YWHAQ: variants seen among roughly 807,000 people sequenced by gnomAD.
The protein encoded by YWHAQ is 14-3-3 protein theta.
YWHAQ carries 6 observed loss-of-function variants against 28.3 expected under a neutral mutation model. The observed-to-expected ratio is 0.21, with a 90% CI of 0.12 to 0.42. The LOEUF (loss-of-function observed/expected upper bound fraction) is 0.42. Ranked by LOEUF, YWHAQ falls within the 10% of genes least tolerant of loss-of-function variation. YWHAQ has a pLI of 1.00. For missense variants in YWHAQ, 201 were observed against 305.6 expected (o/e 0.66, Z 2.55); for synonymous variants, 143 against 119.1 (o/e 1.20, Z -1.31).
rs892576436 is a variant in YWHAQ, at chr2:9,585,200, T to C, written c.*86A>G. 7 of 1,479,286 alleles carry C rather than the reference T, an allele frequency of 4.7e-6. No individual in the cohort carries two copies. The highest frequency in any genetic ancestry group is 1.4e-5 in the African/African-American group (1 of 72,184). The allele number at this position is 1,479,286 out of a possible 1,614,324, so 91.6% of individuals were successfully genotyped here. A position where few individuals can be genotyped will look rare whatever the true frequency, so the allele number is the denominator to read the frequency against. On this transcript the variant is annotated 3_prime_UTR_variant, in exon 6 of 6. Coordinates refer to ENST00000238081, the MANE Select transcript of YWHAQ (RefSeq NM_006826.4). Reference sequence around the variant, plus strand: ...ATTCCATACACATGAATGGGTTTCTTTGCTATAGGAAATCCAAGTGGAATA... The same window carrying C: ...ATTCCATACACATGAATGGGTTTCTCTGCTATAGGAAATCCAAGTGGAATA...
At chr2:9,593,482 T>TAC (rs1357704575) in intron 2 of YWHAQ, among the ~76,000 whole-genome samples, 4 of 152,058 alleles carry the variant, frequency 2.6e-5, no homozygotes, top group African/African-American at 9.7e-5. Context: ...GTACTGGGAT[T>TAC]ACAGGCGTGA....
In YWHAQ at chr2:9,630,241, G is replaced by A. The variant is rs1183336588; in HGVS notation, c.212C>T (p.Thr71Ile). 2.5e-6 allele frequency: 4 copies of A among 1,613,980 alleles called. No homozygotes were observed. In the Admixed American group the frequency reaches 5.0e-5, roughly 20 times the overall value. Residue 71 changes from threonine to isoleucine, a missense_variant, in exon 2 of 6, where the codon ACC (threonine) becomes ATC (isoleucine). Coordinates refer to ENST00000238081, the MANE Select transcript of YWHAQ (RefSeq NM_006826.4). The surrounding 1 kb of genome is among the most constrained non-coding windows in gnomAD (Gnocchi z 5.6). ...VISSIEQKTD[T>I]SDKKLQLIKD... ...AATCAGCTGCAACTTCTTGTCGGAG[G>A]TGTCGGTCTTCTGCTCGATGCTAGA...
At chr2:9,595,291 TTAA>T (rs1666547047) in intron 2 of YWHAQ, among the ~76,000 whole-genome samples, 3 of 152,240 alleles carry the variant, frequency 2.0e-5, no homozygotes, top group South Asian at 4.1e-4. Context: ...CCAAATATTA[TTAA>T]TGCCAGATAG....
rs151047530 is a variant in YWHAQ, at chr2:9,593,898, T to TAAAAAAAA, written c.295-2391_295-2384dup. Among the ~76,000 whole-genome samples the TAAAAAAAA allele has an allele frequency of 6.6e-4, 80 of 121,466 alleles. 1 individual carries two copies. Among genetic ancestry groups the TAAAAAAAA allele is most frequent in the African/African-American group, 2.6e-3 (78 of 30,586 alleles). 79.7% of individuals were successfully genotyped at this position (121,466 alleles called of 152,430 possible). On this transcript the variant is annotated intron_variant, in intron 2 of 5. Transcript: ENST00000238081. ...AATTGAAAAAATATTTTAAATAGAT[T>TAAAAAAAA]AAAAAAAATATATATATATATATAT...
At chr2:9,610,869 CT>C (rs1666933621) in intron 2 of YWHAQ, among the ~76,000 whole-genome samples, 1 of 152,128 alleles carries the variant, frequency 6.6e-6, no homozygotes, top group African/African-American at 2.4e-5. Context: ...TTCTGCTCCC[CT>C]ACTCGATTTT....
intron 2 of YWHAQ, among the ~76,000 whole-genome samples, chr2:9,599,235 T>C (rs948522019): frequency 1.3e-5 from 2 of 152,202 alleles, no homozygotes; most frequent in Non-Finnish European, 2.9e-5. Context: ...GAGAGGTTGA[T>C]TCATGAGGTT....
Position 9,593,919 on chromosome 2 carries a change from T to TACAC in YWHAQ, c.295-2405_295-2404insGTGT, listed in dbSNP as rs765018439. ...AGATTAAAAAAAATATATATATATA[T>TACAC]ATATACACACACACACACACACACT... On this transcript the variant is annotated intron_variant, in intron 2 of 5. Transcript: ENST00000238081. Among the ~76,000 whole-genome samples, 372 of 124,944 alleles carry TACAC rather than the reference T, an allele frequency of 3.0e-3. 1 individual carries two copies. The highest frequency in any genetic ancestry group is 3.9e-3 in the Non-Finnish European group (250 of 63,522). The allele number at this position is 124,944 out of a possible 152,430, so 82.0% of individuals were successfully genotyped here. A position where few individuals can be genotyped will look rare whatever the true frequency, so the allele number is the denominator to read the frequency against.
chr2:9,627,104 A>T (rs573876207), intron 2 of YWHAQ, among the ~76,000 whole-genome samples: 2 of 152,268 alleles, frequency 1.3e-5, no homozygotes, highest in East Asian at 3.9e-4. Flanking sequence ...GGATTTTAAC[A>T]TTTTTTTGTG....
chr2:9,627,537 T>C (rs1415366167), intron 2 of YWHAQ, among the ~76,000 whole-genome samples: 1 of 152,166 alleles, frequency 6.6e-6, no homozygotes. Flanking sequence ...CCACGAATTC[T>C]AGATGCTGCT....
chr2:9,602,871 AT>A (rs1666742730), intron 2 of YWHAQ, among the ~76,000 whole-genome samples: 2 of 17,350 alleles, frequency 1.2e-4, no homozygotes, highest in African/African-American at 3.2e-4. Flanking sequence ...AAATATATAT[AT>A]ATATATATAT....
At chr2:9,615,023 G>C (rs1271807759) in intron 2 of YWHAQ, among the ~76,000 whole-genome samples, 1 of 152,166 alleles carries the variant, frequency 6.6e-6, no homozygotes, top group African/African-American at 2.4e-5. Flanking sequence ...ACATGAAGTA[G>C]TGTTTAACAG....
chr2:9,625,992 C>T (rs1183109611), intron 2 of YWHAQ, among the ~76,000 whole-genome samples: 3 of 134,640 alleles, frequency 2.2e-5, no homozygotes, highest in Non-Finnish European at 4.6e-5. Flanking sequence ...TAATGAGCAG[C>T]GTAAGACATT....
At chr2:9,616,988 T>C (rs1667052113) in intron 2 of YWHAQ, among the ~76,000 whole-genome samples, 2 of 152,104 alleles carry the variant, frequency 1.3e-5, no homozygotes, top group South Asian at 4.2e-4. Flanking sequence ...GGAGACAGAG[T>C]CTTACTCTGT....
chr2:9,609,398 A>G (rs1168412543), intron 2 of YWHAQ, among the ~76,000 whole-genome samples: 4 of 152,198 alleles, frequency 2.6e-5, no homozygotes, highest in Non-Finnish European at 1.5e-5. Flanking sequence ...ATAAAGAATA[A>G]GACAAAAAAA....
At chr2:9,600,308 A>C (rs951387274) in intron 2 of YWHAQ, among the ~76,000 whole-genome samples, 2 of 152,208 alleles carry the variant, frequency 1.3e-5, no homozygotes, top group African/African-American at 4.8e-5. Flanking sequence ...CACTGCATAA[A>C]CTTAGTTGAT....
chr2:9,587,401 G>A lies in YWHAQ; in HGVS notation c.678+13C>T. On this transcript the variant is annotated intron_variant, in intron 5 of 5. Coordinates refer to ENST00000238081, the MANE Select transcript of YWHAQ (RefSeq NM_006826.4). ...CTGAAAAGAAAATAAAATTAAAAGA[G>A]TAAACAACTCACTGTTAGGTTGTCT... 1 of 1,591,348 alleles carries A rather than the reference G, an allele frequency of 6.3e-7. No homozygotes were observed. The highest frequency in any genetic ancestry group is 1.2e-5 in the South Asian group (1 of 86,050).
At position 9,630,262 on chromosome 2, in the gene YWHAQ, C is replaced by A; in HGVS notation, c.191G>T (p.Ser64Ile). The A allele has an allele frequency of 1.2e-6, 2 of 1,614,172 alleles. No individual in the cohort carries two copies. Among genetic ancestry groups the A allele is most frequent in the Non-Finnish European group, 1.7e-6 (2 of 1,180,044 alleles). Residue 64 changes from serine (S) to isoleucine (I), a missense_variant, in exon 2 of 6, where the codon AGC becomes ATC. Physicochemically the swap from Ser to Ile is moderately radical, Grantham distance 142. Around this residue, in one of 2 missense-constraint regions of YWHAQ, gnomAD observed 162 missense variants for 213.9 expected, o/e 0.76. Coordinates refer to ENST00000238081, the MANE Select transcript of YWHAQ (RefSeq NM_006826.4). The surrounding 1 kb of genome is among the most constrained non-coding windows in gnomAD (Gnocchi z 5.6). ...GRRSAWRVISSIEQKTDTSDK... is the reference protein window; with the variant it reads ...GRRSAWRVISIIEQKTDTSDK... ...GGAGGTGTCGGTCTTCTGCTCGATG[C>A]TAGAGATGACCCTCCAGGCGGACCT...
At chr2:9,626,112 T>A (rs947962674) in intron 2 of YWHAQ, among the ~76,000 whole-genome samples, 1 of 152,098 alleles carries the variant, frequency 6.6e-6, no homozygotes, top group South Asian at 2.1e-4. Context: ...CTACATACTA[T>A]TTTAACTCTC....
intron 2 of YWHAQ, among the ~76,000 whole-genome samples, chr2:9,606,252 C>T (rs1410845292): frequency 6.6e-6 from 1 of 152,112 alleles, no homozygotes; most frequent in Non-Finnish European, 1.5e-5. Flanking sequence ...CTTTCTGAAC[C>T]CAGTGTGTAA....
Sources: allele counts gnomAD v4.1 joint callset (sites outside exome capture counted in the v4.1 genomes callset), GRCh38; gene constraint gnomAD v4.1.1; regional missense constraint gnomAD v4.1.1; non-coding constraint Gnocchi (gnomAD v3.1); transcripts MANE v1.5; gene names NCBI Gene and HGNC (gene_info 2026-07-23, HGNC 2026-07-21).